The following ZC3H12B variants were observed in gnomAD, a reference collection of about 807,000 sequenced individuals.
ZC3H12B encodes probable ribonuclease ZC3H12B.
Under a neutral mutation model 43.9 loss-of-function variants are expected in ZC3H12B, and 7 were observed. The ratio of observed to expected loss-of-function variants is 0.16; its 90% confidence interval spans 0.09 to 0.30. The LOEUF (loss-of-function observed/expected upper bound fraction) is 0.30, where lower values mean the gene tolerates loss of function less well. Among genes scored for constraint, ZC3H12B ranks in the 10% least tolerant of loss-of-function variants. ZC3H12B has a pLI of 1.00. For synonymous variants in ZC3H12B, 222 were observed against 241.7 expected (o/e 0.92, Z 0.76); for missense variants, 475 against 670.2 (o/e 0.71, Z 3.22).
At chrX:65,373,995 T>C (rs1431528870) in intron 2 of ZC3H12B, among the ~76,000 whole-genome samples, 5 of 51,709 alleles carry the variant, frequency 9.7e-5, no homozygotes, top group African/African-American at 8.2e-4. Flanking sequence ...TATATATATA[T>C]AGTATATATA....
the ZC3H12B span, among the ~76,000 whole-genome samples, chrX:65,105,236 C>T: frequency 7.3e-4 from 79 of 108,931 alleles, no homozygotes; most frequent in African/African-American, 2.6e-3. Flanking sequence ...GGGAACATCA[C>T]ACATCAGGGC....
the ZC3H12B span, among the ~76,000 whole-genome samples, chrX:65,078,802 G>A: frequency 9.0e-6 from 1 of 111,699 alleles, no homozygotes; most frequent in African/African-American, 3.3e-5. Flanking sequence ...ATATAGGCAT[G>A]TAACACATAT....
At chrX:65,217,962 C>T in the ZC3H12B span, among the ~76,000 whole-genome samples, 2 of 111,742 alleles carry the variant, frequency 1.8e-5, no homozygotes, top group African/African-American at 6.5e-5. Flanking sequence ...TCAAGAAACA[C>T]CAAGAAGATT....
chrX:65,443,061 C>T (rs907651129), intron 3 of ZC3H12B, among the ~76,000 whole-genome samples: 4 of 111,505 alleles, frequency 3.6e-5, no homozygotes, highest in Non-Finnish European at 7.5e-5. Context: ...CCTTCCTTTG[C>T]CACTTTAGCT....
chrX:65,132,475 G>A, the ZC3H12B span, among the ~76,000 whole-genome samples: 1 of 109,900 alleles, frequency 9.1e-6, no homozygotes, highest in Non-Finnish European at 1.9e-5. Flanking sequence ...AGGGAGTAGG[G>A]GTGTCCCATA....
chrX:65,436,690 G>T (rs2067225904), intron 3 of ZC3H12B, among the ~76,000 whole-genome samples: 1 of 111,132 alleles, frequency 9.0e-6, no homozygotes, highest in Admixed American at 9.6e-5. Context: ...AAAAACTTTT[G>T]ATTTTTAAAC....
At chrX:65,137,249 T>C in the ZC3H12B span, among the ~76,000 whole-genome samples, 1 of 112,231 alleles carries the variant, frequency 8.9e-6, no homozygotes, top group Non-Finnish European at 1.9e-5. Context: ...ACACAAATAA[T>C]TTATTTTGAT....
chrX:65,458,500 A>T (rs1024533384), intron 3 of ZC3H12B, among the ~76,000 whole-genome samples: 3 of 111,970 alleles, frequency 2.7e-5, no homozygotes, highest in Admixed American at 9.5e-5. Context: ...AGGAATCACA[A>T]CAAACTGTCT....
At chrX:65,289,558 A>G in the ZC3H12B span, among the ~76,000 whole-genome samples, 2 of 109,333 alleles carry the variant, frequency 1.8e-5, no homozygotes, top group African/African-American at 3.3e-5. Flanking sequence ...ATATAATTAT[A>G]AATATTTTAT....
the ZC3H12B span, among the ~76,000 whole-genome samples, chrX:65,339,036 G>A: frequency 4.8e-4 from 54 of 111,757 alleles, no homozygotes; most frequent in African/African-American, 1.7e-3. Context: ...AGAAATAAAC[G>A]GCTTCCAAAT....
the ZC3H12B span, among the ~76,000 whole-genome samples, chrX:65,115,714 A>G: frequency 9.0e-6 from 1 of 111,200 alleles, no homozygotes; most frequent in African/African-American, 3.3e-5. Flanking sequence ...TGATGCCAGC[A>G]TGTATTTTTT....
chrX:65,129,297 A>G, the ZC3H12B span, among the ~76,000 whole-genome samples: 3 of 108,293 alleles, frequency 2.8e-5, no homozygotes, highest in Non-Finnish European at 5.7e-5. Context: ...ACTAGAATAT[A>G]TATGTCATAT....
At chrX:65,502,402 T>C (rs775349202) in exon 5 of ZC3H12B, 3 of 1,209,126 alleles carry the variant, frequency 2.5e-6, no homozygotes, top group African/African-American at 3.5e-5. Flanking sequence ...ATTACATGGC[T>C]GAAGTAGACC....
chrX:65,476,671 G>A (rs2067995336), intron 3 of ZC3H12B, among the ~76,000 whole-genome samples: 1 of 111,129 alleles, frequency 9.0e-6, no homozygotes, highest in African/African-American at 3.3e-5. Flanking sequence ...GTGGGTGTGT[G>A]ATTTAGTATG....
chrX:65,070,126 A>G, the ZC3H12B span, among the ~76,000 whole-genome samples: 4 of 103,522 alleles, frequency 3.9e-5, no homozygotes, highest in Non-Finnish European at 7.9e-5. Flanking sequence ...AGAGCTCGTT[A>G]TTGGTCTTTC....
chrX:65,037,964 G>T, the ZC3H12B span, among the ~76,000 whole-genome samples: 12 of 110,809 alleles, frequency 1.1e-4, 1 homozygote, highest in Non-Finnish European at 1.7e-4. Flanking sequence ...TGTTTAAACT[G>T]CAATTACAAA....
intron 3 of ZC3H12B, among the ~76,000 whole-genome samples, chrX:65,462,888 T>A (rs927982988): frequency 5.3e-5 from 6 of 112,371 alleles, no homozygotes; most frequent in African/African-American, 1.9e-4. Context: ...AATGGTGGAT[T>A]GGATATAGAA....
chrX:65,222,512 A>C, the ZC3H12B span, among the ~76,000 whole-genome samples: 1 of 109,365 alleles, frequency 9.1e-6, no homozygotes, highest in Non-Finnish European at 1.9e-5. Flanking sequence ...ATACAAAATT[A>C]ATGTACACAA....
chrX:65,056,852 G>T, the ZC3H12B span, among the ~76,000 whole-genome samples: 1 of 110,784 alleles, frequency 9.0e-6, no homozygotes, highest in Non-Finnish European at 1.9e-5. Flanking sequence ...TAATGGCCTT[G>T]TCTCTTTTGA....
Sources: gnomAD v4.1 joint callset for allele counts (sites outside exome capture counted in the v4.1 genomes callset) on GRCh38, gnomAD v4.1.1 for gene constraint, MANE v1.5 for transcripts, NCBI Gene and HGNC (gene_info 2026-07-23, HGNC 2026-07-21) for gene names.